Variants in SEC63 observed in about 807,000 individuals in gnomAD.
SEC63 encodes translocation protein SEC63 homolog.
A neutral mutation model predicts 116.2 loss-of-function variants in SEC63; 56 were observed. The observed-to-expected ratio is 0.48, with a 90% confidence interval of 0.39 to 0.60. The LOEUF (loss-of-function observed/expected upper bound fraction) is 0.60. Ranked by LOEUF, SEC63 falls within the 20% of genes least tolerant of loss-of-function variation. SEC63 has a pLI of 0.00. For synonymous variants in SEC63, 273 were observed against 294.6 expected (o/e 0.93, Z 0.75); for missense variants, 668 against 900.0 (o/e 0.74, Z 3.30).
intron 10 of SEC63, 151 bp downstream of exon 10, chr6:107,906,297 G>A (rs1787147424): frequency 1.1e-6 from 1 of 904,626 alleles, no homozygotes; most frequent in Middle Eastern, 2.7e-4. Flanking sequence ...TCAGAACAAT[G>A]AGCCAATTAA....
chr6:107,906,571 C>A lies in SEC63; in HGVS notation c.838G>T (p.Glu280Ter). 2.5e-6 allele frequency: 4 copies of A among 1,612,572 alleles called. No individual in the cohort carries two copies. Among genetic ancestry groups the A allele is most frequent in the Non-Finnish European group, 3.4e-6 (4 of 1,178,752 alleles). ...DNILIPQLIR[E>*]IGSINLKKNE... Reference sequence around the variant, plus strand: ...TTCTTTAAATTAATGCTGCCAATTTCTCTGATTAGCTAGAATAAATAAAAT... The same window carrying A: ...TTCTTTAAATTAATGCTGCCAATTTATCTGATTAGCTAGAATAAATAAAAT... Residue 280 changes from glutamate (E) to a stop codon, truncating the protein, a stop_gained, in exon 10 of 21, where the codon GAA becomes TAA. Coordinates refer to ENST00000369002, the MANE Select transcript of SEC63 (RefSeq NM_007214.5). LOFTEE classifies it high-confidence loss of function.
At chr6:107,916,572 G>C (rs367960363) in intron 4 of SEC63, among the ~76,000 whole-genome samples, 1 of 152,148 alleles carries the variant, frequency 6.6e-6, no homozygotes, top group African/African-American at 2.4e-5. Context: ...GCAGATAATC[G>C]TGTTTTTCTG....
At chr6:107,929,387 G>T in intron 2 of SEC63, 28 bp downstream of exon 2, 1 of 1,179,968 alleles carries the variant, frequency 8.5e-7, no homozygotes, top group Non-Finnish European at 1.3e-6. Flanking sequence ...GCATTAAGTA[G>T]GTTTTTTTCT....
At chr6:107,940,385 T>C (rs781487625) in intron 1 of SEC63, among the ~76,000 whole-genome samples, 2 of 152,352 alleles carry the variant, frequency 1.3e-5, no homozygotes, top group East Asian at 3.9e-4. Context: ...TTTCCTTTTA[T>C]GGTACTGAAA....
At chr6:107,913,786 C>T (rs190310264) in intron 4 of SEC63, among the ~76,000 whole-genome samples, 6 of 152,240 alleles carry the variant, frequency 3.9e-5, no homozygotes, top group Admixed American at 3.9e-4. Context: ...CCCTTATACT[C>T]TCATATATTT....
chr6:107,917,895 A>G (rs1181040185), intron 4 of SEC63, among the ~76,000 whole-genome samples: 1 of 152,246 alleles, frequency 6.6e-6, no homozygotes, highest in Non-Finnish European at 1.5e-5. Flanking sequence ...GTTATCCAGA[A>G]GATCTAGCTA....
intron 8 of SEC63, 61 bp from the exon 9 acceptor site, chr6:107,906,838 TGA>T: frequency 8.0e-7 from 1 of 1,246,290 alleles, no homozygotes; most frequent in Non-Finnish European, 1.2e-6. Flanking sequence ...TTCCCCCTCC[TGA>T]GATACTTAAT....
At chr6:107,916,876 CCT>C (rs1787417188) in intron 4 of SEC63, among the ~76,000 whole-genome samples, 1 of 152,158 alleles carries the variant, frequency 6.6e-6, no homozygotes, top group African/African-American at 2.4e-5. Flanking sequence ...CTCCCTATTC[CCT>C]GAGACACACA....
Position 107,876,609 on chromosome 6 carries a change from T to C in SEC63, c.1989A>G (p.Leu663=), listed in dbSNP as rs1309143987. ...LYIADRKEQT[L]ISMPYHVCTL... ...TACACACATGATATGGCATGGATAT[T>C]AATGTCTGCTCCTTCCTATCTGCAA... is the stretch of plus-strand genomic sequence containing the variant. Residue 663 remains leucine (L), a synonymous_variant, in exon 19 of 21, where the codon TTA becomes TTG. Transcript: ENST00000369002. 6.2e-7 allele frequency: 1 copy of C among 1,605,194 alleles called. No homozygotes were observed. The highest frequency in any genetic ancestry group is 2.2e-5 in the East Asian group (1 of 44,732).
At chr6:107,944,917 A>AAAGCAAAAAAAGAGTT (rs1562340333) in intron 1 of SEC63, among the ~76,000 whole-genome samples, 7,387 of 25,772 alleles carry the variant, frequency 0.29, 3,647 homozygotes, top group Middle Eastern at 0.35. Flanking sequence ...ACAAAAATCT[A>AAAGCAAAAAAAGAGTT]GGCCGGGCGC....
At chr6:107,936,346 AAT>A (rs1188104370) in intron 1 of SEC63, among the ~76,000 whole-genome samples, 8 of 152,244 alleles carry the variant, frequency 5.3e-5, no homozygotes. Context: ...AGCAAAACTA[AAT>A]ATTCGTGGTA....
Position 107,904,714 on chromosome 6 carries a change from T to C in SEC63, c.969A>G (p.Gln323=), listed in dbSNP as rs1352952147. The C allele has an allele frequency of 2.5e-6, 4 of 1,610,940 alleles. No individual in the cohort carries two copies. The highest frequency in any genetic ancestry group is 2.2e-5 in the East Asian group (1 of 44,868). Residue 323 remains glutamine, a synonymous_variant, in exon 11 of 21, where the codon CAA becomes CAG. Coordinates refer to ENST00000369002, the MANE Select transcript of SEC63 (RefSeq NM_007214.5). ...GGGCAGGACACTTTTTTAGCATGAA[T>C]TGCTGATCTGCAAAACAATAAAAAA... ...KIPETLEEDQ[Q]FMLKKCPALL...
chr6:107,893,107 TACAC>T lies in SEC63; in HGVS notation c.1674+371_1674+374del, dbSNP rs55814816. 3.3e-3 allele frequency among the ~76,000 whole-genome samples: 485 copies of T among 145,886 alleles called. 2 individuals carry two copies. Among genetic ancestry groups the T allele is most frequent in the African/African-American group, 5.6e-3 (224 of 39,652 alleles). ...GGTATATTCATACAATGAAATACTATACACACACACACACACACACACACACACA... is the reference window on the plus strand; with the variant it reads ...GGTATATTCATACAATGAAATACTATACACACACACACACACACACACACA... On this transcript the variant is annotated intron_variant, in intron 16 of 20. Coordinates refer to ENST00000369002, the MANE Select transcript of SEC63 (RefSeq NM_007214.5).
intron 16 of SEC63, among the ~76,000 whole-genome samples, chr6:107,885,953 C>T (rs985470264): frequency 4.6e-5 from 7 of 152,046 alleles, no homozygotes; most frequent in Non-Finnish European, 8.8e-5. Context: ...TGGTTTGCTG[C>T]ACCCATCAAC....
chr6:107,898,545 A>T (rs1482327004), intron 13 of SEC63, among the ~76,000 whole-genome samples: 1 of 152,186 alleles, frequency 6.6e-6, no homozygotes, highest in Non-Finnish European at 1.5e-5. Flanking sequence ...TTATTTTTTT[A>T]AAGGCAAGAA....
intron 13 of SEC63, among the ~76,000 whole-genome samples, chr6:107,900,266 T>G (rs2114438838): frequency 1.3e-5 from 2 of 152,144 alleles, no homozygotes; most frequent in East Asian, 3.9e-4. Context: ...TCCCAAAGTG[T>G]TGGGATTAAA....
intron 15 of SEC63, 34 bp from the exon 16 acceptor site, chr6:107,893,689 T>G: frequency 6.2e-7 from 1 of 1,611,874 alleles, no homozygotes; most frequent in African/African-American, 1.3e-5. Context: ...TCTTAAGTTA[T>G]AGCAACAGAT....
At position 107,870,693 on chromosome 6, in the gene SEC63, G is replaced by C. The variant is rs1358876138; in HGVS notation, c.*1011C>G. On this transcript the variant is annotated 3_prime_UTR_variant, in exon 21 of 21. Coordinates refer to ENST00000369002, the MANE Select transcript of SEC63 (RefSeq NM_007214.5). ...AATGTACAATACTATTCAATCTTTA[G>C]TTGAAAAATAAAGAAGTGGATTGCC... 1 of 152,094 alleles carries C rather than the reference G, an allele frequency of 6.6e-6. No individual in the cohort carries two copies. The highest frequency in any genetic ancestry group is 2.4e-5 in the African/African-American group (1 of 41,418). 9.4% of individuals were successfully genotyped at this position (152,094 alleles called of 1,614,324 possible).
At chr6:107,949,519 A>G (rs1490170810) in intron 1 of SEC63, among the ~76,000 whole-genome samples, 1 of 152,234 alleles carries the variant, frequency 6.6e-6, no homozygotes, top group Non-Finnish European at 1.5e-5. Context: ...AAAGAAATGT[A>G]AACATTTCAC....
Sources: gnomAD v4.1 joint callset for allele counts (sites outside exome capture counted in the v4.1 genomes callset) on GRCh38, gnomAD v4.1.1 for gene constraint, MANE v1.5 for transcripts, NCBI Gene and HGNC (gene_info 2026-07-23, HGNC 2026-07-21) for gene names.